Variants in RNF149 observed in about 807,000 individuals in gnomAD.
The protein encoded by RNF149 is ring finger protein 149.
Under a neutral mutation model 39.0 loss-of-function variants are expected in RNF149, and 21 were observed. That is an observed-to-expected ratio of 0.54 (90% CI 0.38 to 0.77). RNF149 has a LOEUF of 0.77. Among genes scored for constraint, RNF149 ranks in the 30% least tolerant of loss-of-function variants. The pLI is 0.00. For synonymous variants in RNF149, 209 were observed against 213.6 expected (o/e 0.98, Z 0.19); for missense variants, 493 against 534.9 (o/e 0.92, Z 0.77).
At chr2:101,288,161 C>A (rs1197175352) in intron 4 of RNF149, among the ~76,000 whole-genome samples, 6 of 151,600 alleles carry the variant, frequency 4.0e-5, no homozygotes, top group African/African-American at 1.5e-4. Flanking sequence ...CCATGCCCTG[C>A]CTTCCTTCAA....
chr2:101,302,242 G>C (rs532901285), intron 1 of RNF149, among the ~76,000 whole-genome samples: 2 of 152,152 alleles, frequency 1.3e-5, no homozygotes, highest in Non-Finnish European at 2.9e-5. Flanking sequence ...CCATAAAAAG[G>C]CTGCTACGTG....
chr2:101,276,692 C>T lies in RNF149; in HGVS notation c.*546G>A, dbSNP rs1411933724. The T allele has an allele frequency of 1.0e-6, 1 of 985,314 alleles. No homozygotes were observed. Among genetic ancestry groups the T allele is most frequent in the Non-Finnish European group, 1.2e-6 (1 of 829,962 alleles). The allele number at this position is 985,314 out of a possible 1,614,324, so 61.0% of individuals were successfully genotyped here. A position where few individuals can be genotyped will look rare whatever the true frequency, so the allele number is the denominator to read the frequency against. On this transcript the variant is annotated 3_prime_UTR_variant, in exon 7 of 7. Transcript: ENST00000295317. Reference sequence around the variant, plus strand: ...TAATTCTAAACAAAGAAAAAGTGCTCTCAGGTTTTGAAATCTTCACATACA... The same window carrying T: ...TAATTCTAAACAAAGAAAAAGTGCTTTCAGGTTTTGAAATCTTCACATACA...
intron 3 of RNF149, among the ~76,000 whole-genome samples, chr2:101,292,649 C>G (rs908806096): frequency 1.3e-5 from 2 of 152,122 alleles, no homozygotes; most frequent in South Asian, 2.1e-4. Context: ...GCCTGTAGTT[C>G]CAGCTACTCG....
intron 2 of RNF149, chr2:101,294,487 C>T (rs896716031): frequency 2.9e-5 from 6 of 205,950 alleles, no homozygotes; most frequent in Admixed American, 1.6e-4. Flanking sequence ...CTTCCTAGTC[C>T]TCAAGACAGA....
intron 4 of RNF149, among the ~76,000 whole-genome samples, chr2:101,288,331 G>A (rs1381622252): frequency 2.7e-5 from 4 of 149,362 alleles, no homozygotes; most frequent in African/African-American, 5.0e-5. Context: ...TGTGCCTCCC[G>A]GGTTCAAGTA....
At chr2:101,307,334 A>C (rs2104445453) in intron 1 of RNF149, among the ~76,000 whole-genome samples, 1 of 152,210 alleles carries the variant, frequency 6.6e-6, no homozygotes, top group Middle Eastern at 3.4e-3. Flanking sequence ...GGCGGGCGCC[A>C]CCACGTCCAC....
chr2:101,287,089 A>T (rs1416931256), intron 4 of RNF149, among the ~76,000 whole-genome samples: 3 of 152,192 alleles, frequency 2.0e-5, no homozygotes, highest in African/African-American at 7.2e-5. Flanking sequence ...TGGGAGGCCG[A>T]GGTGGGTGGA....
intron 1 of RNF149, among the ~76,000 whole-genome samples, chr2:101,301,960 A>T (rs2104433523): frequency 6.6e-6 from 1 of 152,364 alleles, no homozygotes; most frequent in African/African-American, 2.4e-5. Flanking sequence ...AAATCATTTT[A>T]AAGTTCCAGA....
chr2:101,295,432 C>T lies in RNF149; in HGVS notation c.461-251G>A, dbSNP rs557452947. Among the ~76,000 whole-genome samples, 110 of 151,984 alleles carry T rather than the reference C, an allele frequency of 7.2e-4. 1 individual carries two copies. The highest frequency in any genetic ancestry group is 2.0e-4 in the Admixed American group (3 of 15,252). On this transcript the variant is annotated intron_variant, in intron 1 of 6. Transcript: ENST00000295317. The stretch of plus-strand genomic sequence containing the variant: ...GTAATAGCACTTTGGGAGGCCTAGG[C>T]GGGCGGATCACTAGGTGAGGAGTTT...
intron 2 of RNF149, chr2:101,294,638 G>A (rs1030688375): frequency 1.3e-5 from 4 of 297,020 alleles, no homozygotes; most frequent in Admixed American, 4.8e-5. Context: ...GATGGAGACA[G>A]AGAGGCCCCC....
chr2:101,272,007 C>G (rs1452216156), downstream of RNF149, among the ~76,000 whole-genome samples: 2 of 152,164 alleles, frequency 1.3e-5, no homozygotes, highest in Admixed American at 1.3e-4. Context: ...GAATTACATT[C>G]CTTAAACATT....
intron 6 of RNF149, among the ~76,000 whole-genome samples, chr2:101,279,328 T>C (rs1682484469): frequency 1.3e-5 from 2 of 152,226 alleles, no homozygotes; most frequent in African/African-American, 4.8e-5. Context: ...AATTGTATTA[T>C]CTTAGTTCTA....
At chr2:101,285,906 G>A (rs528794567) in intron 5 of RNF149, among the ~76,000 whole-genome samples, 175 bp downstream of exon 5, 1 of 152,232 alleles carries the variant, frequency 6.6e-6, no homozygotes, top group Non-Finnish European at 1.5e-5. Context: ...TTATTTCACT[G>A]ATTTTTTTAC....
At position 101,276,914 on chromosome 2, in the gene RNF149, TTACAGAACC is replaced by T; in HGVS notation, c.*315_*323del. On this transcript the variant is annotated 3_prime_UTR_variant, in exon 7 of 7. Coordinates refer to ENST00000295317, the MANE Select transcript of RNF149 (RefSeq NM_173647.4). ...CTTGAAAAATAGAATTAACTGGTTTTTACAGAACCATAGCAGCCAATTATTTAGAAACAC... is the reference window on the plus strand; with the variant it reads ...CTTGAAAAATAGAATTAACTGGTTTTATAGCAGCCAATTATTTAGAAACAC... The T allele has an allele frequency of 1.9e-6, 2 of 1,054,186 alleles. No individual in the cohort carries two copies. Among genetic ancestry groups the T allele is most frequent in the Non-Finnish European group, 2.3e-6 (2 of 869,334 alleles). 65.3% of individuals were successfully genotyped at this position (1,054,186 alleles called of 1,614,324 possible).
chr2:101,292,648 T>C (rs982899563), intron 3 of RNF149, among the ~76,000 whole-genome samples: 3 of 152,068 alleles, frequency 2.0e-5, no homozygotes, highest in Non-Finnish European at 4.4e-5. Context: ...CGCCTGTAGT[T>C]CCAGCTACTC....
At chr2:101,292,312 T>C (rs2104411960) in intron 3 of RNF149, among the ~76,000 whole-genome samples, 1 of 152,290 alleles carries the variant, frequency 6.6e-6, no homozygotes, top group South Asian at 2.1e-4. Context: ...GGGATCCTCT[T>C]TTTTTCAACC....
At chr2:101,304,626 T>C (rs932294613) in intron 1 of RNF149, among the ~76,000 whole-genome samples, 1 of 152,132 alleles carries the variant, frequency 6.6e-6, no homozygotes, top group Non-Finnish European at 1.5e-5. Context: ...AATATATGTC[T>C]GCTAAAGTAA....
chr2:101,273,178 G>A, downstream of RNF149: 1 of 1,268,050 alleles, frequency 7.9e-7, no homozygotes, highest in East Asian at 5.5e-5. Flanking sequence ...GTTTTCTGCT[G>A]GGAAACCCAG....
chr2:101,277,608 C>T (rs969139118), intron 6 of RNF149, among the ~76,000 whole-genome samples: 2 of 152,092 alleles, frequency 1.3e-5, no homozygotes, highest in Admixed American at 1.3e-4. Flanking sequence ...AGGCTAGTCT[C>T]GAACTCCTGA....
Sources: allele counts gnomAD v4.1 joint callset (sites outside exome capture counted in the v4.1 genomes callset), GRCh38; gene constraint gnomAD v4.1.1; transcripts MANE v1.5; gene names NCBI Gene and HGNC (gene_info 2026-07-23, HGNC 2026-07-21).